The following LRIF1 variants were observed in gnomAD, a reference collection of about 807,000 sequenced individuals.
LRIF1 encodes ligand-dependent nuclear receptor-interacting factor 1.
In LRIF1, 32 loss-of-function variants were observed where a neutral mutation model predicts 52.7. The observed-to-expected ratio is 0.61, with a 90% CI of 0.46 to 0.82. LRIF1 has a LOEUF of 0.82. Among genes scored for constraint, LRIF1 ranks in the 40% least tolerant of loss-of-function variants. LRIF1 has a pLI of 0.00. For synonymous variants in LRIF1, 323 were observed against 317.4 expected (o/e 1.02, Z -0.19); for missense variants, 887 against 892.0 (o/e 0.99, Z 0.07).
chr1:110,906,261 A>T, the LRIF1 span, among the ~76,000 whole-genome samples: 1 of 152,250 alleles, frequency 6.6e-6, no homozygotes, highest in Admixed American at 6.5e-5. Flanking sequence ...AATAAAAAAG[A>T]GACAACAGAC....
chr1:110,961,657 A>G lies in LRIF1; in HGVS notation c.68+1964T>C, dbSNP rs572165173. Among the ~76,000 whole-genome samples, 202 of 152,296 alleles carry G rather than the reference A, an allele frequency of 1.3e-3. 1 individual carries two copies. Among genetic ancestry groups the G allele is most frequent in the African/African-American group, 4.7e-3 (194 of 41,576 alleles). ...CAGTAACAGGAAATATTTAAGCTAC[A>G]AACAATAAGAAAATCATAGTCATTT... On this transcript the variant is annotated intron_variant, in intron 1 of 3. Coordinates refer to ENST00000369763, the MANE Select transcript of LRIF1 (RefSeq NM_018372.4).
intron 1 of LRIF1, among the ~76,000 whole-genome samples, chr1:110,953,919 G>T (rs1001623182): frequency 2.6e-5 from 4 of 151,790 alleles, no homozygotes; most frequent in African/African-American, 9.7e-5. Flanking sequence ...TTCCTTCATG[G>T]TATATATCAT....
At position 110,952,055 on chromosome 1, in the gene LRIF1, G is replaced by C. The variant is rs1323357932; in HGVS notation, c.829C>G (p.Gln277Glu). Reference sequence around the variant, plus strand: ...TGAGAATGCTGACCACCTTTCAATTGTGTCTCTGTAGCAACATTCTTTGGA... The same window carrying C: ...TGAGAATGCTGACCACCTTTCAATTCTGTCTCTGTAGCAACATTCTTTGGA... Reference protein sequence around the residue: ...QIPKNVATETQLKGGQHSQAA... With the variant: ...QIPKNVATETELKGGQHSQAA... The change falls in exon 2 of 4, where the codon CAA (glutamine) becomes GAA (glutamate). Residue 277 changes from glutamine to glutamate, a missense_variant. Coordinates refer to ENST00000369763, the MANE Select transcript of LRIF1 (RefSeq NM_018372.4). 2 of 1,614,184 alleles carry C rather than the reference G, an allele frequency of 1.2e-6. No homozygotes were observed. Among genetic ancestry groups the C allele is most frequent in the Admixed American group, 3.3e-5 (2 of 60,022 alleles).
the LRIF1 span, among the ~76,000 whole-genome samples, chr1:110,933,308 G>C: frequency 1.3e-5 from 2 of 152,178 alleles, no homozygotes; most frequent in Non-Finnish European, 2.9e-5. Context: ...AATGGTCCCT[G>C]CTGCCCCCAC....
chr1:110,891,002 T>A, the LRIF1 span, among the ~76,000 whole-genome samples: 2 of 152,282 alleles, frequency 1.3e-5, no homozygotes, highest in Non-Finnish European at 2.9e-5. Context: ...TTGGCTTTCT[T>A]GATGGCTGAT....
the LRIF1 span, chr1:110,891,462 G>A: frequency 6.2e-7 from 1 of 1,611,956 alleles, no homozygotes; most frequent in Non-Finnish European, 8.5e-7. Flanking sequence ...TCTTCAACTT[G>A]CTCTTTTGGG....
rs1428826019 is a variant in LRIF1, at chr1:110,952,087, G to A, written c.797C>T (p.Thr266Ile). 1.2e-6 allele frequency: 2 copies of A among 1,614,188 alleles called. No individual in the cohort carries two copies. Among genetic ancestry groups the A allele is most frequent in the Non-Finnish European group, 1.7e-6 (2 of 1,180,028 alleles). The change falls in exon 2 of 4, where the codon ACA becomes ATA. Residue 266 changes from threonine to isoleucine, a missense_variant. Physicochemically the swap from Thr to Ile is moderately conservative, Grantham distance 89. Coordinates refer to ENST00000369763, the MANE Select transcript of LRIF1 (RefSeq NM_018372.4). Reference protein sequence around the residue: ...EIAKPVILNTTQIPKNVATET... With the variant: ...EIAKPVILNTIQIPKNVATET... ...TGTAGCAACATTCTTTGGAATTTGT[G>A]TGGTATTTAGTATTACTGGCTTTGC... is the stretch of plus-strand genomic sequence containing the variant.
At chr1:110,943,284 G>A (rs1422360425), downstream of LRIF1, among the ~76,000 whole-genome samples, 1 of 152,262 alleles carries the variant, frequency 6.6e-6, no homozygotes, top group Non-Finnish European at 1.5e-5. Flanking sequence ...TCAGAATAAA[G>A]TTAAGTAAGA....
the LRIF1 span, among the ~76,000 whole-genome samples, chr1:110,902,043 C>T: frequency 1.3e-5 from 2 of 152,222 alleles, no homozygotes; most frequent in Non-Finnish European, 2.9e-5. Flanking sequence ...TTAATTCTCC[C>T]TATTTCATTA....
At chr1:110,937,768 C>A in the LRIF1 span, 2 of 151,696 alleles carry the variant, frequency 1.3e-5, no homozygotes, top group African/African-American at 2.4e-5. Flanking sequence ...TACAAAAGAT[C>A]AATGAAACAA....
the LRIF1 span, among the ~76,000 whole-genome samples, chr1:110,914,816 T>G: frequency 4.1e-4 from 62 of 152,234 alleles, no homozygotes; most frequent in Admixed American, 3.9e-3. Context: ...AATACAGATC[T>G]TACCAAGGAT....
the LRIF1 span, chr1:110,899,766 T>C: frequency 6.5e-6 from 1 of 152,924 alleles, no homozygotes; most frequent in African/African-American, 2.4e-5. Flanking sequence ...TTCTAAGTCT[T>C]TCCAGAAAAA....
intron 1 of LRIF1, among the ~76,000 whole-genome samples, chr1:110,958,828 T>C (rs1465432132): frequency 6.6e-6 from 1 of 152,222 alleles, no homozygotes; most frequent in East Asian, 1.9e-4. Flanking sequence ...ACAATAATGT[T>C]AGCTGAATTG....
At chr1:110,952,934 G>T in intron 1 of LRIF1, 119 bp from the exon 2 acceptor site, 1 of 582,464 alleles carries the variant, frequency 1.7e-6, no homozygotes, top group Non-Finnish European at 2.4e-6. Flanking sequence ...TTTCCATTTT[G>T]AGTTTTTAAA....
intron 3 of LRIF1, among the ~76,000 whole-genome samples, chr1:110,949,510 C>G (rs1658370831): frequency 6.6e-6 from 1 of 151,230 alleles, no homozygotes; most frequent in Non-Finnish European, 1.5e-5. Context: ...AACTCCGCCT[C>G]CCGGGTTCAA....
chr1:110,880,782 G>A, the LRIF1 span, among the ~76,000 whole-genome samples: 1 of 152,060 alleles, frequency 6.6e-6, no homozygotes, highest in Admixed American at 6.6e-5. Context: ...TTCTAGTGAG[G>A]GAATAGTCAC....
chr1:110,937,196 C>T, the LRIF1 span: 17 of 152,162 alleles, frequency 1.1e-4, no homozygotes, highest in South Asian at 3.3e-3. Context: ...AACAAAGAAA[C>T]ATCAGACCTA....
At chr1:110,906,008 A>G in the LRIF1 span, among the ~76,000 whole-genome samples, 1 of 152,142 alleles carries the variant, frequency 6.6e-6, no homozygotes, top group South Asian at 2.1e-4. Context: ...TGCAAGTCTC[A>G]TGCAAAAACA....
the LRIF1 span, among the ~76,000 whole-genome samples, chr1:110,904,638 T>C: frequency 6.6e-6 from 1 of 152,152 alleles, no homozygotes; most frequent in African/African-American, 2.4e-5. Flanking sequence ...CAAGTCCTTT[T>C]GAATATCTGA....
Sources: allele counts gnomAD v4.1 joint callset (sites outside exome capture counted in the v4.1 genomes callset), GRCh38; gene constraint gnomAD v4.1.1; transcripts MANE v1.5; gene names NCBI Gene and HGNC (gene_info 2026-07-23, HGNC 2026-07-21).